PDZD2: variants seen among roughly 807,000 people sequenced by gnomAD.
PDZD2 encodes the protein PDZ domain-containing protein 2.
PDZD2 carries 90 observed loss-of-function variants against 220.7 expected under a neutral mutation model. The observed-to-expected ratio is 0.41, with a 90% CI of 0.34 to 0.49. PDZD2 has a LOEUF of 0.49. Ranked by LOEUF, PDZD2 falls within the 20% of genes least tolerant of loss-of-function variation. PDZD2 has a pLI of 0.28. For missense variants in PDZD2, 3,174 were observed against 3,608.5 expected (o/e 0.88, Z 3.08); for synonymous variants, 1,375 against 1,450.5 (o/e 0.95, Z 1.18).
In PDZD2 at chr5:32,090,011, C is replaced by T; in HGVS notation, c.6563C>T (p.Ser2188Leu). The T allele has an allele frequency of 6.2e-7, 1 of 1,605,228 alleles. No individual in the cohort carries two copies. The highest frequency in any genetic ancestry group is 8.5e-7 in the Non-Finnish European group (1 of 1,175,734). ...IRKAEYSQGK[S>L]SLMSDSRGVP... The stretch of plus-strand genomic sequence containing the variant: ...AAGGCAGAATACTCCCAGGGAAAAT[C>T]AAGCCTGATGTCAGACTCCCGAGGG... Residue 2188 changes from serine (S) to leucine (L), a missense_variant, in exon 20 of 25, where the codon TCA becomes TTA. Around this residue, in one of 4 missense-constraint regions of PDZD2, gnomAD observed 1,861 missense variants for 2,001.0 expected, o/e 0.93. Coordinates refer to ENST00000438447, the MANE Select transcript of PDZD2 (RefSeq NM_178140.4). This position sits in a 1 kb window ranked among gnomAD's most constrained non-coding sequence, Gnocchi z 4.3.
At chr5:31,772,602 T>A (rs533269363) in intron 1 of PDZD2, among the ~76,000 whole-genome samples, 1 of 152,304 alleles carries the variant, frequency 6.6e-6, no homozygotes, top group South Asian at 2.1e-4. Context: ...TCCAACCACT[T>A]GGCCCCTGTC....
chr5:31,660,836 C>A (rs540199123), intron 1 of PDZD2, among the ~76,000 whole-genome samples: 9 of 152,284 alleles, frequency 5.9e-5, no homozygotes, highest in Non-Finnish European at 1.3e-4. Context: ...AGTCCTCCCC[C>A]CTCAGCCTCC....
chr5:31,741,819 G>C (rs1750282801), intron 1 of PDZD2: 1 of 152,204 alleles, frequency 6.6e-6, no homozygotes, highest in African/African-American at 2.4e-5. Context: ...CTGCTCTTTG[G>C]AAAGAATCTG....
chr5:31,937,397 T>C (rs1745849456), intron 2 of PDZD2, among the ~76,000 whole-genome samples: 1 of 152,176 alleles, frequency 6.6e-6, no homozygotes, highest in South Asian at 2.1e-4. Context: ...ATCCTGGAAC[T>C]GTTTGCGTTG....
intron 1 of PDZD2, among the ~76,000 whole-genome samples, chr5:31,702,738 A>T (rs1339496736): frequency 1.3e-5 from 2 of 152,374 alleles, no homozygotes; most frequent in African/African-American, 4.8e-5. Context: ...TGTAAAACAT[A>T]TAATACTCAG....
At chr5:31,650,450 A>G (rs1016337315) in intron 1 of PDZD2, among the ~76,000 whole-genome samples, 2 of 152,196 alleles carry the variant, frequency 1.3e-5, no homozygotes, top group African/African-American at 4.8e-5. Flanking sequence ...AAGTCTCTAC[A>G]GAGCCCTGAG....
At chr5:32,076,288 GAAAAAAAAA>G (rs67898034) in intron 18 of PDZD2, among the ~76,000 whole-genome samples, 1 of 87,932 alleles carries the variant, frequency 1.1e-5, no homozygotes, top group Non-Finnish European at 2.3e-5. Context: ...TCGGTCTCAA[GAAAAAAAAA>G]AAAAAAAAAA....
chr5:31,993,404 A>G (rs928709849), intron 3 of PDZD2, among the ~76,000 whole-genome samples: 1 of 152,214 alleles, frequency 6.6e-6, no homozygotes, highest in Admixed American at 6.5e-5. Flanking sequence ...GTGGGATCCA[A>G]CAGGTCTCTG....
rs1424056775 is a variant in PDZD2, at chr5:32,089,488, C to T, written c.6040C>T (p.Pro2014Ser). The change falls in exon 20 of 25, where the codon CCA becomes TCA. Residue 2014 changes from proline (P) to serine (S), a missense_variant. By Grantham distance (74) the Pro-to-Ser change is moderately conservative (BLOSUM62 -1). Transcript: ENST00000438447. ...AVLSEPDRGC[P>S]TTPKSPKCRA... ...CCTCTCTGAACCCGACAGAGGTTGC[C>T]CAACCACCCCTAAATCTCCTAAGTG... 1 of 1,613,288 alleles carries T rather than the reference C, an allele frequency of 6.2e-7. No homozygotes were observed. The highest frequency in any genetic ancestry group is 2.2e-5 in the East Asian group (1 of 44,874).
intron 2 of PDZD2, among the ~76,000 whole-genome samples, chr5:31,971,188 A>G (rs886885501): frequency 3.3e-5 from 5 of 152,214 alleles, no homozygotes; most frequent in African/African-American, 1.2e-4. Context: ...TATTTCTCAC[A>G]GTTCTGGAGG....
intron 2 of PDZD2, among the ~76,000 whole-genome samples, chr5:31,920,293 TAA>T (rs1358036171): frequency 4.8e-5 from 4 of 83,826 alleles, no homozygotes; most frequent in Non-Finnish European, 7.1e-5. Flanking sequence ...CAAAAATAAA[TAA>T]AAATAAATAA....
intron 2 of PDZD2, among the ~76,000 whole-genome samples, chr5:31,829,508 G>C (rs1279543843): frequency 2.0e-5 from 3 of 151,658 alleles, no homozygotes; most frequent in Admixed American, 1.3e-4. Flanking sequence ...GTAAAAACAG[G>C]GTTTCACCAT....
At chr5:31,824,901 C>T (rs1444077865) in intron 2 of PDZD2, among the ~76,000 whole-genome samples, 2 of 152,188 alleles carry the variant, frequency 1.3e-5, no homozygotes, top group Non-Finnish European at 2.9e-5. Context: ...TTAGAAAGTT[C>T]TTAGGACAGT....
Position 32,039,093 on chromosome 5 carries a change from T to TCTCTCCCC in PDZD2, c.1519+1767_1519+1774dup, listed in dbSNP as rs138129161. ...TACCTGTTTTTAAGAAAACATCCTC[T>TCTCTCCCC]CTCTCCCCCTCTCCCCCTCTCCCTC... On this transcript the variant is annotated intron_variant, in intron 7 of 24. Transcript: ENST00000438447. Among the ~76,000 whole-genome samples the TCTCTCCCC allele has an allele frequency of 3.8e-3, 569 of 150,752 alleles. 1 individual carries two copies. Among genetic ancestry groups the TCTCTCCCC allele is most frequent in the African/African-American group, 0.013 (522 of 41,194 alleles).
intron 1 of PDZD2, among the ~76,000 whole-genome samples, chr5:31,642,890 A>T (rs1304849295): frequency 6.6e-6 from 1 of 152,168 alleles, no homozygotes; most frequent in African/African-American, 2.4e-5. Context: ...TGCCAGGGGA[A>T]GCAAACCCGG....
In PDZD2 at chr5:31,906,406, C is replaced by T. The variant is rs1028099357; in HGVS notation, c.477-76749C>T. 5.0e-4 allele frequency among the ~76,000 whole-genome samples: 75 copies of T among 150,998 alleles called. 1 individual carries two copies. Among genetic ancestry groups the T allele is most frequent in the Middle Eastern group, 3.4e-3 (1 of 290 alleles). ...TGTATTTTTGGTAGAGACGGGGTTTCGCCATGTTACCCAGACTAGTCTTGA... is the reference window on the plus strand; with the variant it reads ...TGTATTTTTGGTAGAGACGGGGTTTTGCCATGTTACCCAGACTAGTCTTGA... On this transcript the variant is annotated intron_variant, in intron 2 of 24. Transcript: ENST00000438447.
intron 1 of PDZD2, among the ~76,000 whole-genome samples, chr5:31,789,081 C>A (rs1246396550): frequency 6.6e-6 from 1 of 152,122 alleles, no homozygotes; most frequent in Non-Finnish European, 1.5e-5. Flanking sequence ...AAGATAGGTG[C>A]CTGTTTTTCT....
intron 6 of PDZD2, among the ~76,000 whole-genome samples, chr5:32,021,364 A>G (rs945753244): frequency 5.3e-5 from 8 of 151,932 alleles, no homozygotes; most frequent in Non-Finnish European, 1.0e-4. Flanking sequence ...TCCCGGGTTT[A>G]AGCAATTCTC....
intron 1 of PDZD2, among the ~76,000 whole-genome samples, chr5:31,789,734 C>T (rs1036110373): frequency 3.9e-5 from 6 of 152,196 alleles, no homozygotes; most frequent in East Asian, 3.9e-4. Flanking sequence ...GCCTGGCCAA[C>T]GTGGTGAAAC....
Sources: gnomAD v4.1 joint callset for allele counts (sites outside exome capture counted in the v4.1 genomes callset) on GRCh38, gnomAD v4.1.1 for gene constraint, gnomAD v4.1.1 regional missense constraint, Gnocchi (gnomAD v3.1) non-coding constraint, MANE v1.5 for transcripts, NCBI Gene and HGNC (gene_info 2026-07-23, HGNC 2026-07-21) for gene names.